The following COL18A1 variants were observed in gnomAD, a reference collection of about 807,000 sequenced individuals.
COL18A1 encodes the protein collagen alpha-1(XVIII) chain.
A neutral mutation model predicts 168.0 loss-of-function variants in COL18A1; 133 were observed. That is an observed-to-expected ratio of 0.79 (90% CI 0.69 to 0.91). The LOEUF (loss-of-function observed/expected upper bound fraction) is 0.91. Among genes scored for constraint, COL18A1 ranks in the 40% least tolerant of loss-of-function variants. COL18A1 has a pLI of 0.00. For missense variants in COL18A1, 2,126 were observed against 1,925.4 expected (o/e 1.10, Z -1.95); for synonymous variants, 949 against 809.0 (o/e 1.17, Z -2.94).
Position 45,510,165 on chromosome 21 carries a change from G to A in COL18A1, c.3597G>A (p.Ala1199=), listed in dbSNP as rs756828487. ...AGCAGGCGCGGGCCGTGGGGCTGGC[G>A]GGCACCTTCCGCGCCTTCCTGTCCT... is the stretch of plus-strand genomic sequence containing the variant. ...CFQQARAVGL[A]GTFRAFLSSR... Residue 1199 remains alanine, a synonymous_variant, in exon 40 of 42, where the codon GCG becomes GCA. Coordinates refer to ENST00000651438, the MANE Select transcript of COL18A1 (RefSeq NM_001379500.1). 20 of 1,596,778 alleles carry A rather than the reference G, an allele frequency of 1.3e-5. No individual in the cohort carries two copies. Among genetic ancestry groups the A allele is most frequent in the South Asian group, 6.7e-5 (6 of 88,908 alleles).
chr21:45,424,345 G>C (rs1398040308), intron 2 of COL18A1: 3 of 141,182 alleles, frequency 2.1e-5, no homozygotes, highest in Admixed American at 1.4e-4. Flanking sequence ...GGCCCTCTCT[G>C]CAGGGCGGAG....
rs539409017 is a variant in COL18A1, at chr21:45,498,025, C to G, written c.2683+364C>G. ...GGGTCGGCACTGGAGGACCCTCTGT[C>G]GAGAAACTCTCCAGGGTTTCATGTG... On this transcript the variant is annotated intron_variant, in intron 32 of 41. Transcript: ENST00000651438. The surrounding 1 kb of genome is among the most constrained non-coding windows in gnomAD (Gnocchi z 4.5). Among the ~76,000 whole-genome samples the G allele has an allele frequency of 6.6e-6, 1 of 152,170 alleles. No homozygotes were observed. Among genetic ancestry groups the G allele is most frequent in the Non-Finnish European group, 1.5e-5 (1 of 68,030 alleles).
At chr21:45,438,629 T>C (rs950662333) in intron 2 of COL18A1, among the ~76,000 whole-genome samples, 4 of 152,220 alleles carry the variant, frequency 2.6e-5, no homozygotes, top group African/African-American at 4.8e-5. Context: ...GAGTGTGTGC[T>C]GTAGAGGCTA....
At chr21:45,414,918 T>C (rs374346136) in intron 2 of COL18A1, among the ~76,000 whole-genome samples, 15 of 151,998 alleles carry the variant, frequency 9.9e-5, no homozygotes, top group African/African-American at 3.6e-4. Context: ...CGAGGGTCCT[T>C]ATAGAGAAGG....
Position 45,457,330 on chromosome 21 carries a change from C to T in COL18A1, c.107-10912C>T, listed in dbSNP as rs901471390. On this transcript the variant is annotated intron_variant, in intron 2 of 41. Transcript: ENST00000651438. This position sits in a 1 kb window ranked among gnomAD's most constrained non-coding sequence, Gnocchi z 4.6. ...TCGATGCGCTTCCTGGGAGCCCCAG[C>T]GTGCTCGGGCCAAGGGTGCTGCCGC... Among the ~76,000 whole-genome samples, 2 of 152,180 alleles carry T rather than the reference C, an allele frequency of 1.3e-5. No homozygotes were observed. The highest frequency in any genetic ancestry group is 2.4e-5 in the African/African-American group (1 of 41,434).
At chr21:45,489,148 C>T (rs1427847977) in intron 18 of COL18A1, among the ~76,000 whole-genome samples, 1 of 152,250 alleles carries the variant, frequency 6.6e-6, no homozygotes, top group Admixed American at 6.5e-5. Flanking sequence ...GACATCGGGA[C>T]ACTCAAAAGG....
intron 2 of COL18A1, among the ~76,000 whole-genome samples, chr21:45,452,986 ATG>A (rs1352774275): frequency 2.0e-5 from 3 of 151,724 alleles, no homozygotes; most frequent in Non-Finnish European, 4.4e-5. Flanking sequence ...GAGTATTCAC[ATG>A]TGACATGTGA....
chr21:45,411,777 C>CGGGGGGGGG (rs1602330037), intron 2 of COL18A1, among the ~76,000 whole-genome samples: 1 of 66,878 alleles, frequency 1.5e-5, no homozygotes, highest in Admixed American at 1.9e-4. Flanking sequence ...GGGGGGGGGG[C>CGGGGGGGGG]AGGCTGTGGT....
intron 2 of COL18A1, chr21:45,455,448 G>A (rs2034760644): frequency 1.9e-6 from 3 of 1,575,716 alleles, no homozygotes; most frequent in South Asian, 1.1e-5. Context: ...CACAGGGGAG[G>A]GCAGGAGGGC....
intron 32 of COL18A1, among the ~76,000 whole-genome samples, chr21:45,503,613 A>G (rs1254348154): frequency 7.8e-6 from 1 of 128,854 alleles, no homozygotes; most frequent in Non-Finnish European, 1.6e-5. Flanking sequence ...AGGAAGGGGA[A>G]CATCACACTC....
intron 41 of COL18A1, 43 bp downstream of exon 41, chr21:45,511,269 C>A: frequency 8.7e-7 from 1 of 1,152,552 alleles, no homozygotes; most frequent in Non-Finnish European, 1.3e-6. Flanking sequence ...GAGCCCCAGC[C>A]AGGGAAGGCG....
chr21:45,498,363 G>T lies in COL18A1; in HGVS notation c.2683+702G>T, dbSNP rs114832456. On this transcript the variant is annotated intron_variant, in intron 32 of 41. Coordinates refer to ENST00000651438, the MANE Select transcript of COL18A1 (RefSeq NM_001379500.1). The surrounding 1 kb of genome is among the most constrained non-coding windows in gnomAD (Gnocchi z 4.5). ...CCTCTCACCGCCAGGGTTCCCTCTC[G>T]CCACCACGGTCCCCTCTCGCCGCCA... 3.0e-6 allele frequency: 2 copies of T among 672,058 alleles called. No individual in the cohort carries two copies. 41.6% of individuals were successfully genotyped at this position (672,058 alleles called of 1,614,324 possible).
rs749878856 is a variant in COL18A1 at position 45,483,865 on chromosome 21, TACAC to T, written c.1701+1053_1701+1056del. ...GGCTGGGAGTGAATGCATGTGCACA[TACAC>T]ACACACACCTCTCCAGCATATGTAC... On this transcript the variant is annotated intron_variant, in intron 15 of 41. Transcript: ENST00000651438. Among the ~76,000 whole-genome samples the T allele has an allele frequency of 6.4e-3, 961 of 151,316 alleles. 16 individuals carry two copies. Among genetic ancestry groups the T allele is most frequent in the African/African-American group, 0.019 (764 of 41,052 alleles).
intron 2 of COL18A1, among the ~76,000 whole-genome samples, chr21:45,460,687 A>G (rs2035011309): frequency 6.6e-6 from 1 of 152,214 alleles, no homozygotes; most frequent in South Asian, 2.1e-4. Flanking sequence ...TGATGTTTCC[A>G]TGTAACTTTG....
intron 38 of COL18A1, 27 bp downstream of exon 38, chr21:45,507,620 T>C: frequency 7.5e-6 from 12 of 1,610,128 alleles, no homozygotes; most frequent in Non-Finnish European, 1.0e-5. Context: ...CTGTTGAGAC[T>C]GGTGGGTGGT....
chr21:45,467,443 T>G, intron 2 of COL18A1: 2 of 985,180 alleles, frequency 2.0e-6, no homozygotes, highest in Non-Finnish European at 2.4e-6. Context: ...ATGCAGCCCC[T>G]CCAAGGGGTG....
chr21:45,473,199 C>T lies in COL18A1; in HGVS notation c.652-696C>T, dbSNP rs571981024. 2.6e-5 allele frequency among the ~76,000 whole-genome samples: 4 copies of T among 152,350 alleles called. No homozygotes were observed. The East Asian group carries it at 7.7e-4, about 29-fold the overall frequency. On this transcript the variant is annotated intron_variant, in intron 3 of 41. Coordinates refer to ENST00000651438, the MANE Select transcript of COL18A1 (RefSeq NM_001379500.1). This position sits in a 1 kb window ranked among gnomAD's most constrained non-coding sequence, Gnocchi z 4.0. Reference sequence around the variant, plus strand: ...CCTCCTGTGTCCTTGCCCAGCATCCCCGGCCTGCATCTCACCAGGCACCGC... The same window carrying T: ...CCTCCTGTGTCCTTGCCCAGCATCCTCGGCCTGCATCTCACCAGGCACCGC...
chr21:45,437,976 TCACA>T (rs148876258), intron 2 of COL18A1, among the ~76,000 whole-genome samples: 1 of 11,978 alleles, frequency 8.3e-5, no homozygotes. Flanking sequence ...ACACACACAC[TCACA>T]CACTCAGACA....
At chr21:45,455,341 C>T (rs952296034) in intron 2 of COL18A1, 2 of 741,408 alleles carry the variant, frequency 2.7e-6, no homozygotes, top group Admixed American at 2.8e-5. Context: ...GTGCTGGAAC[C>T]CCCGGGTGCT....
Sources: allele counts gnomAD v4.1 joint callset (sites outside exome capture counted in the v4.1 genomes callset), GRCh38; gene constraint gnomAD v4.1.1; non-coding constraint Gnocchi (gnomAD v3.1); transcripts MANE v1.5; gene names NCBI Gene and HGNC (gene_info 2026-07-23, HGNC 2026-07-21).